The following PTPRK variants were observed in gnomAD, a reference collection of about 807,000 sequenced individuals.
The protein encoded by PTPRK is protein tyrosine phosphatase receptor type K.
In PTPRK, 75 loss-of-function variants were observed where a neutral mutation model predicts 178.0. The ratio of observed to expected loss-of-function variants is 0.42; its 90% CI spans 0.35 to 0.51. PTPRK has a LOEUF of 0.51. Among genes scored for constraint, PTPRK ranks in the 20% least tolerant of loss-of-function variants. The probability of loss-of-function intolerance (pLI) is 0.02; values close to 1 mark genes in which losing one functional copy is unlikely to be tolerated. For missense variants in PTPRK, 1,441 were observed against 1,797.8 expected, an observed-to-expected ratio of 0.80 and a Z score of 3.59; for synonymous variants, 637 against 620.6, an observed-to-expected ratio of 1.03 and a Z score of -0.39.
chr6:128,427,248 TAAG>T (rs1844254668), intron 1 of PTPRK, among the ~76,000 whole-genome samples: 1 of 152,148 alleles, frequency 6.6e-6, no homozygotes. Flanking sequence ...ACTCCACAAA[TAAG>T]AATACTTTAA....
In PTPRK at chr6:128,159,524, A is replaced by T. The variant is rs936453232; in HGVS notation, c.1162+24908T>A. Among the ~76,000 whole-genome samples the T allele has an allele frequency of 4.0e-5, 6 of 151,824 alleles. No individual in the cohort carries two copies. In the East Asian group the frequency reaches 1.2e-3, roughly 29 times the overall value. ...TTTCCTACTCACGGGTTGTAAGCTC[A>T]TTTTATATTTAAAGTATGAAAGTTG... is the stretch of plus-strand genomic sequence containing the variant. On this transcript the variant is annotated intron_variant, in intron 7 of 29. Transcript: ENST00000368226.
Position 128,313,754 on chromosome 6 carries a change from T to C in PTPRK, c.495+8285A>G, listed in dbSNP as rs565828199. On this transcript the variant is annotated intron_variant, in intron 3 of 29. Transcript: ENST00000368226. Reference sequence around the variant, plus strand: ...CATCTCCCAACAAGTAATTGACTTATAATAGATTTTAAGGTGAGAGAAAAT... The same window carrying C: ...CATCTCCCAACAAGTAATTGACTTACAATAGATTTTAAGGTGAGAGAAAAT... 2.6e-5 allele frequency among the ~76,000 whole-genome samples: 4 copies of C among 152,258 alleles called. No individual in the cohort carries two copies. The South Asian group carries it at 6.2e-4, about 24-fold the overall frequency.
intron 2 of PTPRK, among the ~76,000 whole-genome samples, chr6:128,385,114 T>G (rs961377198): frequency 1.3e-5 from 2 of 148,992 alleles, no homozygotes; most frequent in African/African-American, 2.4e-5. Context: ...TATTAATAAT[T>G]TTAAAATACT....
intron 29 of PTPRK, among the ~76,000 whole-genome samples, chr6:127,972,181 A>G (rs1774003017): frequency 6.6e-6 from 1 of 152,180 alleles, no homozygotes; most frequent in African/African-American, 2.4e-5. Context: ...GAAGTGGTGA[A>G]ATACTTTAAA....
At chr6:128,442,059 A>C (rs1481259880) in intron 1 of PTPRK, among the ~76,000 whole-genome samples, 2 of 152,256 alleles carry the variant, frequency 1.3e-5, no homozygotes, top group Non-Finnish European at 2.9e-5. Flanking sequence ...AATAAATATC[A>C]GAAAAGACAA....
intron 25 of PTPRK, among the ~76,000 whole-genome samples, chr6:127,980,410 T>C (rs2114627079): frequency 6.6e-6 from 1 of 152,038 alleles, no homozygotes; most frequent in East Asian, 1.9e-4. Flanking sequence ...GAGAATTGCT[T>C]GAACCTGGGA....
chr6:128,199,874 T>C (rs1805599079), intron 6 of PTPRK, among the ~76,000 whole-genome samples: 2 of 152,090 alleles, frequency 1.3e-5, no homozygotes, highest in Admixed American at 1.3e-4. Context: ...ATCCCCGAAA[T>C]CAAAAGAAAC....
rs141042716 is a variant in PTPRK, at chr6:128,005,054, C to T, written c.2494+30G>A. 6.8e-4 allele frequency: 1,066 copies of T among 1,572,132 alleles called. 8 individuals are homozygous for T. In the African/African-American group the frequency reaches 0.013, roughly 19 times the overall value. On this transcript the variant is annotated intron_variant, in intron 15 of 29. Transcript: ENST00000368226. Reference sequence around the variant, plus strand: ...TTCAAAGTGAAATGAGTTGTAACATCATTTATTAAAATTTTAATGAAAAAC... The same window carrying T: ...TTCAAAGTGAAATGAGTTGTAACATTATTTATTAAAATTTTAATGAAAAAC...
rs941953367 is a variant in PTPRK, at chr6:128,089,568, A to G, written c.1465+122T>C. 5.8e-5 allele frequency: 63 copies of G among 1,080,768 alleles called. No individual in the cohort carries two copies. In the Middle Eastern group the frequency reaches 1.9e-3, roughly 32 times the overall value. The allele number at this position is 1,080,768 out of a possible 1,614,324, so 66.9% of individuals were successfully genotyped here. A position where few individuals can be genotyped will look rare whatever the true frequency, so the allele number is the denominator to read the frequency against. ...ATTTTTTTCCAAAGTTAATCTCATT[A>G]ATAACATTTAGATGATTTCAGAATC... On this transcript the variant is annotated intron_variant, in intron 8 of 29. Transcript: ENST00000368226.
At chr6:128,295,974 A>C (rs528454233) in intron 3 of PTPRK, among the ~76,000 whole-genome samples, 17 of 152,256 alleles carry the variant, frequency 1.1e-4, no homozygotes, top group Admixed American at 5.2e-4. Flanking sequence ...AACATAAAAA[A>C]CGATTAACAT....
intron 1 of PTPRK, among the ~76,000 whole-genome samples, chr6:128,501,397 A>G (rs1378793127): frequency 6.6e-6 from 1 of 151,928 alleles, no homozygotes; most frequent in African/African-American, 2.4e-5. Context: ...CAAATCACAC[A>G]CACACACACA....
At position 128,184,613 on chromosome 6, in the gene PTPRK, T is replaced by A. The variant is rs1802458823; in HGVS notation, c.981A>T (p.Glu327Asp). The part of the protein sequence containing the change: ...IIGDGPIILK[E>D]VEYRMTSGSW... The stretch of plus-strand genomic sequence containing the variant: ...ATCCTGATGTCATTCGGTACTCTAC[T>A]TCTTTCAGGATGATAGGACCATCGC... The change falls in exon 7 of 30, where the codon GAA becomes GAT. Residue 327 changes from glutamate (E) to aspartate (D), a missense_variant. Coordinates refer to ENST00000368226, the MANE Select transcript of PTPRK (RefSeq NM_002844.4). 6.2e-7 allele frequency: 1 copy of A among 1,613,954 alleles called. No homozygotes were observed. Among genetic ancestry groups the A allele is most frequent in the Admixed American group, 1.7e-5 (1 of 59,970 alleles).
At chr6:127,980,239 A>G (rs1268592155) in intron 25 of PTPRK, among the ~76,000 whole-genome samples, 3 of 152,110 alleles carry the variant, frequency 2.0e-5, no homozygotes, top group African/African-American at 7.2e-5. Flanking sequence ...GAACCTGGGA[A>G]GCAGAGGTTG....
chr6:128,219,965 A>G (rs1459881440), intron 5 of PTPRK, among the ~76,000 whole-genome samples: 3 of 152,218 alleles, frequency 2.0e-5, no homozygotes, highest in East Asian at 3.9e-4. Flanking sequence ...GCCAATTTAT[A>G]CATTTTAGAG....
intron 3 of PTPRK, among the ~76,000 whole-genome samples, chr6:128,271,430 T>A (rs993760064): frequency 6.6e-6 from 1 of 152,184 alleles, no homozygotes; most frequent in Non-Finnish European, 1.5e-5. Context: ...TGAAAGCAGA[T>A]GATTTTATTC....
chr6:128,056,589 T>A (rs1216475016), intron 13 of PTPRK, among the ~76,000 whole-genome samples: 1 of 152,012 alleles, frequency 6.6e-6, no homozygotes, highest in Admixed American at 6.6e-5. Flanking sequence ...CACACCCAGC[T>A]AATTTTTTGT....
intron 1 of PTPRK, among the ~76,000 whole-genome samples, chr6:128,431,656 TC>T (rs1844851873): frequency 6.6e-6 from 1 of 152,208 alleles, no homozygotes; most frequent in Non-Finnish European, 1.5e-5. Context: ...TCCTAGCATT[TC>T]CCTGGATGTA....
chr6:128,488,170 A>C (rs916063522), intron 1 of PTPRK, among the ~76,000 whole-genome samples: 2 of 152,218 alleles, frequency 1.3e-5, no homozygotes, highest in African/African-American at 4.8e-5. Flanking sequence ...AGAGTCCAAA[A>C]GCTGAAGAAC....
At chr6:128,504,546 C>A (rs576787870) in intron 1 of PTPRK, among the ~76,000 whole-genome samples, 1 of 152,264 alleles carries the variant, frequency 6.6e-6, no homozygotes, top group Non-Finnish European at 1.5e-5. Flanking sequence ...AACAACAGCC[C>A]TCAGAGCAAT....
Sources: gnomAD v4.1 joint callset for allele counts (sites outside exome capture counted in the v4.1 genomes callset) on GRCh38, gnomAD v4.1.1 for gene constraint, MANE v1.5 for transcripts, NCBI Gene and HGNC (gene_info 2026-07-23, HGNC 2026-07-21) for gene names.